Variants in DLGAP2 observed in about 807,000 individuals in gnomAD.
DLGAP2 encodes disks large-associated protein 2.
Under a neutral mutation model 100.3 loss-of-function variants are expected in DLGAP2, and 26 were observed. The ratio of observed to expected loss-of-function variants is 0.26; its 90% CI spans 0.19 to 0.36. The LOEUF (loss-of-function observed/expected upper bound fraction) is 0.36. DLGAP2 is among the 10% of genes least tolerant of loss of function. DLGAP2 has a pLI of 1.00. For missense variants in DLGAP2, 1,858 were observed against 1,453.2 expected (o/e 1.28, Z -4.53); for synonymous variants, 886 against 630.1 (o/e 1.41, Z -6.08).
chr8:1,434,581 A>G (rs557053707), intron 3 of DLGAP2, among the ~76,000 whole-genome samples: 11 of 152,070 alleles, frequency 7.2e-5, no homozygotes, highest in Admixed American at 2.6e-4. Context: ...GGCTCAAGCA[A>G]TCCTCCCACT....
At chr8:1,641,618 G>C (rs1183049984) in intron 8 of DLGAP2, among the ~76,000 whole-genome samples, 1 of 152,066 alleles carries the variant, frequency 6.6e-6, no homozygotes, top group Admixed American at 6.5e-5. Context: ...CTGAAGTAGG[G>C]GTACATTTGG....
At chr8:970,882 C>T (rs760725910) in intron 2 of DLGAP2, among the ~76,000 whole-genome samples, 5 of 152,130 alleles carry the variant, frequency 3.3e-5, no homozygotes, top group African/African-American at 7.2e-5. Context: ...ACCTTGTTAA[C>T]GATTATATAC....
intron 1 of DLGAP2, among the ~76,000 whole-genome samples, chr8:761,842 C>G (rs868760025): frequency 6.6e-6 from 1 of 152,198 alleles, no homozygotes. Context: ...GCCTGGCGTG[C>G]GACACCCTGC....
At chr8:892,379 G>A (rs1053379100) in intron 1 of DLGAP2, among the ~76,000 whole-genome samples, 1 of 152,102 alleles carries the variant, frequency 6.6e-6, no homozygotes. Context: ...AAAGAGGAAC[G>A]AAATCCCGAC....
At position 984,466 on chromosome 8, in the gene DLGAP2, G is replaced by C. The variant is rs540261371; in HGVS notation, c.73+76500G>C. On this transcript the variant is annotated intron_variant, in intron 2 of 14. Coordinates refer to ENST00000637795, the MANE Select transcript of DLGAP2 (RefSeq NM_001346810.2). ...CAGAGGGCCCTGTTTCTAAGGGGTT[G>C]GGCCTAGGTTTATCTTGGTTGTGGG... is the stretch of plus-strand genomic sequence containing the variant. Among the ~76,000 whole-genome samples the C allele has an allele frequency of 2.8e-3, 428 of 152,304 alleles. 4 individuals are homozygous for C. The highest frequency in any genetic ancestry group is 9.9e-3 in the African/African-American group (413 of 41,568).
intron 3 of DLGAP2, among the ~76,000 whole-genome samples, chr8:1,278,074 T>C (rs745548647): frequency 1.3e-5 from 2 of 152,152 alleles, no homozygotes; most frequent in Non-Finnish European, 2.9e-5. Flanking sequence ...TCAGGAGACA[T>C]GCCTTTCTTT....
Position 1,419,019 on chromosome 8 carries a change from A to G in DLGAP2, c.107-82347A>G, listed in dbSNP as rs577018200. ...GCCGAACGAAGGGGCACATGGGGCGAGGCAGAGGCCAGGGCCATGTGGACT... is the reference window on the plus strand; with the variant it reads ...GCCGAACGAAGGGGCACATGGGGCGGGGCAGAGGCCAGGGCCATGTGGACT... On this transcript the variant is annotated intron_variant, in intron 3 of 14. Coordinates refer to ENST00000637795, the MANE Select transcript of DLGAP2 (RefSeq NM_001346810.2). Among the ~76,000 whole-genome samples the G allele has an allele frequency of 2.0e-5, 3 of 152,384 alleles. No individual in the cohort carries two copies. In the South Asian group the frequency reaches 6.2e-4, roughly 32 times the overall value.
chr8:1,335,013 G>C (rs972183087), intron 3 of DLGAP2, among the ~76,000 whole-genome samples: 4 of 152,150 alleles, frequency 2.6e-5, no homozygotes, highest in African/African-American at 9.7e-5. Flanking sequence ...AATCTTATAA[G>C]CATCTAAGTA....
In DLGAP2 at chr8:1,408,421, T is replaced by C. The variant is rs117991179; in HGVS notation, c.107-92945T>C. Among the ~76,000 whole-genome samples, 532 of 146,518 alleles carry C rather than the reference T, an allele frequency of 3.6e-3. 9 individuals carry two copies. In the East Asian group the frequency reaches 0.051, roughly 14 times the overall value. On this transcript the variant is annotated intron_variant, in intron 3 of 14. Transcript: ENST00000637795. Reference sequence around the variant, plus strand: ...GTTCGCCACAACCTGTTAGTTCACCTGGGGCCTTGCGTAATCTCCACGAGC... The same window carrying C: ...GTTCGCCACAACCTGTTAGTTCACCCGGGGCCTTGCGTAATCTCCACGAGC...
intron 1 of DLGAP2, among the ~76,000 whole-genome samples, chr8:871,941 C>T (rs1208045940): frequency 6.6e-6 from 1 of 152,148 alleles, no homozygotes; most frequent in Non-Finnish European, 1.5e-5. Flanking sequence ...GTTATTTGGG[C>T]TGTTCTTGTT....
At chr8:740,578 G>C (rs968857761) in intron 1 of DLGAP2, among the ~76,000 whole-genome samples, 1 of 152,140 alleles carries the variant, frequency 6.6e-6, no homozygotes, top group South Asian at 2.1e-4. Flanking sequence ...GCAAAAATAG[G>C]CTTCGTGGAA....
chr8:1,169,889 A>G (rs182818873), intron 2 of DLGAP2, among the ~76,000 whole-genome samples: 2 of 151,908 alleles, frequency 1.3e-5, no homozygotes, highest in East Asian at 3.9e-4. Context: ...TCTCCTGCCT[A>G]ATTGCCCTGG....
At chr8:1,382,706 C>T (rs996265133) in intron 3 of DLGAP2, among the ~76,000 whole-genome samples, 10 of 152,014 alleles carry the variant, frequency 6.6e-5, no homozygotes, top group South Asian at 4.2e-4. Flanking sequence ...CGTGCCGCTG[C>T]ACTCCAGCCT....
chr8:1,436,557 A>T (rs2130032976), intron 3 of DLGAP2, among the ~76,000 whole-genome samples: 1 of 152,286 alleles, frequency 6.6e-6, no homozygotes, highest in East Asian at 1.9e-4. Context: ...CCTTCAATCC[A>T]ATCAGGTTGA....
intron 2 of DLGAP2, among the ~76,000 whole-genome samples, chr8:1,205,414 C>T (rs937357109): frequency 1.3e-5 from 2 of 151,128 alleles, no homozygotes; most frequent in Non-Finnish European, 3.0e-5. Flanking sequence ...CATGACGTCT[C>T]AGCCGGCTCT....
At chr8:1,608,982 G>C (rs1385385084) in intron 6 of DLGAP2, among the ~76,000 whole-genome samples, 2 of 151,652 alleles carry the variant, frequency 1.3e-5, no homozygotes, top group African/African-American at 2.4e-5. Context: ...TATTATCCAG[G>C]AGAACTTCCC....
In DLGAP2 at chr8:1,704,859, T is replaced by C. The variant is rs73672938; in HGVS notation, c.*3453T>C. 6.6e-6 allele frequency: 1 copy of C among 152,170 alleles called. No individual in the cohort carries two copies. Among genetic ancestry groups the C allele is most frequent in the African/African-American group, 2.4e-5 (1 of 41,412 alleles). The allele number at this position is 152,170 out of a possible 1,614,324, so 9.4% of individuals were successfully genotyped here. A position where few individuals can be genotyped will look rare whatever the true frequency, so the allele number is the denominator to read the frequency against. ...TTCTTATGAAAGTGGCCAGGTTTAT[T>C]ATTAGAAGACACAGTGGCAGAGCAC... On this transcript the variant is annotated 3_prime_UTR_variant, in exon 15 of 15. Coordinates refer to ENST00000637795, the MANE Select transcript of DLGAP2 (RefSeq NM_001346810.2).
intron 2 of DLGAP2, among the ~76,000 whole-genome samples, chr8:1,239,874 C>T (rs1246234967): frequency 2.2e-5 from 2 of 92,640 alleles, no homozygotes; most frequent in Admixed American, 1.1e-4. Context: ...CACATGGCAC[C>T]GTGTCTAGTT....
chr8:815,466 A>G lies in DLGAP2; in HGVS notation c.18+77641A>G, dbSNP rs1796459113. Among the ~76,000 whole-genome samples, 3 of 152,170 alleles carry G rather than the reference A, an allele frequency of 2.0e-5. No individual in the cohort carries two copies. The South Asian group carries it at 6.2e-4, about 31-fold the overall frequency. On this transcript the variant is annotated intron_variant, in intron 1 of 14. Coordinates refer to ENST00000637795, the MANE Select transcript of DLGAP2 (RefSeq NM_001346810.2). ...AGTATTTGAGATTAAAATGGCAGATAATTTCCCCAAATTGAGGGAAAATCC... is the reference window on the plus strand; with the variant it reads ...AGTATTTGAGATTAAAATGGCAGATGATTTCCCCAAATTGAGGGAAAATCC...
Sources: gnomAD v4.1 joint callset for allele counts (sites outside exome capture counted in the v4.1 genomes callset) on GRCh38, gnomAD v4.1.1 for gene constraint, MANE v1.5 for transcripts, NCBI Gene and HGNC (gene_info 2026-07-23, HGNC 2026-07-21) for gene names.